The following TRAF3IP2 variants were observed in gnomAD, a reference collection of about 807,000 sequenced individuals.
TRAF3IP2 encodes TRAF3 interacting protein 2.
In TRAF3IP2, 35 loss-of-function variants were observed where a neutral mutation model predicts 57.9. That is an observed-to-expected ratio of 0.60 (90% confidence interval 0.46 to 0.80). The LOEUF (loss-of-function observed/expected upper bound fraction) is 0.80. TRAF3IP2 is among the 30% of genes least tolerant of loss of function. The pLI is 0.00. For synonymous variants in TRAF3IP2, 251 were observed against 268.9 expected (o/e 0.93, Z 0.65); for missense variants, 556 against 706.4 (o/e 0.79, Z 2.41).
intron 3 of TRAF3IP2, among the ~76,000 whole-genome samples, chr6:111,578,263 C>G (rs1396373219): frequency 2.0e-5 from 3 of 152,190 alleles, no homozygotes; most frequent in Non-Finnish European, 4.4e-5. Context: ...TTAGATATTT[C>G]TTCTGTTAGA....
At position 111,556,090 on chromosome 6, in the gene TRAF3IP2, G is replaced by A. The variant is rs553888330; in HGVS notation, c.*3315C>T. ...TGCACTCTAGCCTGGGTGACAGAGC[G>A]AGACTACGTCTCAAAAAAAAAAAAA... is the stretch of plus-strand genomic sequence containing the variant. On this transcript the variant is annotated 3_prime_UTR_variant, in exon 9 of 9. Coordinates refer to ENST00000368761, the MANE Select transcript of TRAF3IP2 (RefSeq NM_147686.4). Among the ~76,000 whole-genome samples the A allele has an allele frequency of 8.9e-5, 12 of 135,428 alleles. No individual in the cohort carries two copies. The East Asian group carries it at 2.0e-3, about 23-fold the overall frequency. 88.8% of individuals were successfully genotyped at this position (135,428 alleles called of 152,430 possible). A position where few individuals can be genotyped will look rare whatever the true frequency, so the allele number is the denominator to read the frequency against.
intron 7 of TRAF3IP2, among the ~76,000 whole-genome samples, chr6:111,564,321 G>A (rs1795552447): frequency 1.3e-5 from 2 of 152,234 alleles, no homozygotes; most frequent in South Asian, 2.1e-4. Flanking sequence ...CACCAGCACC[G>A]AGTACACATG....
At chr6:111,602,914 G>A (rs1796916391) in intron 1 of TRAF3IP2, among the ~76,000 whole-genome samples, 1 of 152,140 alleles carries the variant, frequency 6.6e-6, no homozygotes, top group Non-Finnish European at 1.5e-5. Context: ...CACAGGCTGG[G>A]AGCTCCGGTC....
intron 1 of TRAF3IP2, among the ~76,000 whole-genome samples, chr6:111,594,810 G>A (rs1375273255): frequency 6.6e-6 from 1 of 151,976 alleles, no homozygotes; most frequent in Non-Finnish European, 1.5e-5. Context: ...AGCTACTTGG[G>A]AGGCTGAGGT....
chr6:111,575,514 G>A (rs1340951018), intron 4 of TRAF3IP2, 129 bp downstream of exon 4: 1 of 1,029,728 alleles, frequency 9.7e-7, no homozygotes, highest in East Asian at 2.7e-5. Flanking sequence ...GGTGAACCTG[G>A]GAGGCGGAGC....
intron 2 of TRAF3IP2, among the ~76,000 whole-genome samples, chr6:111,583,780 T>C (rs1391055309): frequency 6.6e-6 from 1 of 152,132 alleles, no homozygotes; most frequent in Non-Finnish European, 1.5e-5. Flanking sequence ...CATGGAAAAA[T>C]TGTCTTCCAT....
rs752970544 is a variant in TRAF3IP2, at chr6:111,575,644, C to T, written c.1200G>A (p.Leu400=). ...AGAACAATGTTGCAAACAACTTACGCAATTCTTCTGGCAAATTGCTTGTTT... is the reference window on the plus strand; with the variant it reads ...AGAACAATGTTGCAAACAACTTACGTAATTCTTCTGGCAAATTGCTTGTTT... ...TLKTSNLPEE[L]RKVFITYSMD... Residue 400 remains leucine (L), a splice_region_variant and synonymous_variant, in exon 4 of 9, where the codon TTG becomes TTA. Transcript: ENST00000368761. 1.9e-6 allele frequency: 3 copies of T among 1,608,936 alleles called. No individual in the cohort carries two copies. Among genetic ancestry groups the T allele is most frequent in the East Asian group, 4.5e-5 (2 of 44,746 alleles).
In TRAF3IP2 at chr6:111,559,326, C is replaced by T; in HGVS notation, c.*79G>A. The T allele has an allele frequency of 1.9e-6, 3 of 1,542,056 alleles. No individual in the cohort carries two copies. Among genetic ancestry groups the T allele is most frequent in the Non-Finnish European group, 2.6e-6 (3 of 1,146,504 alleles). ...AGAAAAAAACCAGCCAGGAGTGCTA[C>T]CGACCAGCCTCAGCCAGAATGCTGT... is the stretch of plus-strand genomic sequence containing the variant. On this transcript the variant is annotated 3_prime_UTR_variant, in exon 9 of 9. Coordinates refer to ENST00000368761, the MANE Select transcript of TRAF3IP2 (RefSeq NM_147686.4).
At chr6:111,581,298 CGA>C (rs1359060440) in intron 2 of TRAF3IP2, among the ~76,000 whole-genome samples, 1 of 152,122 alleles carries the variant, frequency 6.6e-6, no homozygotes, top group Non-Finnish European at 1.5e-5. Context: ...TTGGGAAATA[CGA>C]GAGATGCAAG....
intron 2 of TRAF3IP2, among the ~76,000 whole-genome samples, chr6:111,585,845 A>T (rs1415092551): frequency 6.6e-6 from 1 of 152,234 alleles, no homozygotes; most frequent in Non-Finnish European, 1.5e-5. Flanking sequence ...ATGGGCGCCC[A>T]GGACTGTATG....
chr6:111,567,489 A>G, intron 6 of TRAF3IP2, 135 bp downstream of exon 6: 1 of 1,322,574 alleles, frequency 7.6e-7, no homozygotes. Context: ...ACGGCTTCCA[A>G]CAAGGGAGGC....
At chr6:111,586,249 G>A (rs989690472) in intron 2 of TRAF3IP2, among the ~76,000 whole-genome samples, 1 of 147,772 alleles carries the variant, frequency 6.8e-6, no homozygotes, top group South Asian at 2.1e-4. Flanking sequence ...TTTTTTTTTG[G>A]TCCACAGGTA....
chr6:111,580,576 C>CT (rs1018674186), intron 2 of TRAF3IP2, among the ~76,000 whole-genome samples, 187 bp from the exon 3 acceptor site: 32 of 152,152 alleles, frequency 2.1e-4, no homozygotes, highest in African/African-American at 6.0e-4. Context: ...ACGAAATTCA[C>CT]TTTTTTTTGT....
intron 4 of TRAF3IP2, among the ~76,000 whole-genome samples, chr6:111,575,034 C>A (rs912544509): frequency 3.3e-5 from 5 of 151,852 alleles, no homozygotes; most frequent in African/African-American, 1.2e-4. Flanking sequence ...CCAGCCTGGG[C>A]AACATGGCAA....
intron 2 of TRAF3IP2, among the ~76,000 whole-genome samples, chr6:111,585,111 A>G (rs552857768): frequency 6.6e-6 from 1 of 152,222 alleles, no homozygotes; most frequent in Middle Eastern, 3.4e-3. Context: ...TCTCTGGTCA[A>G]CCTGTCTATT....
intron 8 of TRAF3IP2, among the ~76,000 whole-genome samples, chr6:111,560,022 C>T (rs1795377216): frequency 6.6e-6 from 1 of 152,176 alleles, no homozygotes. Flanking sequence ...AACTGTTAGC[C>T]AGGGATCCTG....
chr6:111,566,385 C>G (rs1025363651), intron 7 of TRAF3IP2, 59 bp downstream of exon 7: 16 of 1,376,338 alleles, frequency 1.2e-5, no homozygotes, highest in Non-Finnish European at 1.5e-5. Context: ...TGGGACTTCC[C>G]TGGACAAGGT....
At chr6:111,593,882 G>A (rs1796596265) in intron 1 of TRAF3IP2, among the ~76,000 whole-genome samples, 1 of 152,164 alleles carries the variant, frequency 6.6e-6, no homozygotes, top group African/African-American at 2.4e-5. Flanking sequence ...TGTAATCCCA[G>A]CACTTTGGGA....
At chr6:111,570,450 G>A (rs1795793503) in intron 5 of TRAF3IP2, among the ~76,000 whole-genome samples, 1 of 152,090 alleles carries the variant, frequency 6.6e-6, no homozygotes, top group Non-Finnish European at 1.5e-5. Flanking sequence ...TTTGTAATAG[G>A]CCCCTTATTA....
Sources: gnomAD v4.1 joint callset for allele counts (sites outside exome capture counted in the v4.1 genomes callset) on GRCh38, gnomAD v4.1.1 for gene constraint, MANE v1.5 for transcripts, NCBI Gene and HGNC (gene_info 2026-07-23, HGNC 2026-07-21) for gene names.